The following PHACTR4 variants were observed in gnomAD, a reference collection of about 807,000 sequenced individuals.
PHACTR4 encodes phosphatase and actin regulator 4.
Under a neutral mutation model 72.7 loss-of-function variants are expected in PHACTR4, and 51 were observed. The ratio of observed to expected loss-of-function variants is 0.70; its 90% CI spans 0.56 to 0.89. PHACTR4 has a LOEUF of 0.89. PHACTR4 is among the 40% of genes least tolerant of loss of function. The pLI, the probability that PHACTR4 is intolerant of heterozygous loss-of-function variation, is 0.00. For missense variants in PHACTR4, 731 were observed against 861.8 expected, an observed-to-expected ratio of 0.85 and a Z score of 1.90; for synonymous variants, 255 against 302.5, an observed-to-expected ratio of 0.84 and a Z score of 1.63.
intron 2 of PHACTR4, among the ~76,000 whole-genome samples, chr1:28,440,890 T>C (rs530219715): frequency 6.8e-4 from 104 of 152,346 alleles, no homozygotes; most frequent in Admixed American, 2.0e-3. Flanking sequence ...CTCACCATTT[T>C]ACTTGGAATG....
chr1:28,461,966 C>T (rs920947967), intron 4 of PHACTR4, among the ~76,000 whole-genome samples: 8 of 150,452 alleles, frequency 5.3e-5, no homozygotes, highest in African/African-American at 1.2e-4. Flanking sequence ...TAGGTAGTTA[C>T]GTACTACTTT....
At chr1:28,414,724 A>G (rs1181235124) in intron 2 of PHACTR4, among the ~76,000 whole-genome samples, 1 of 151,654 alleles carries the variant, frequency 6.6e-6, no homozygotes, top group East Asian at 1.9e-4. Context: ...GCCTTTTGCG[A>G]CCCCTTTCCA....
At chr1:28,477,329 C>T (rs1044977638) in intron 8 of PHACTR4, among the ~76,000 whole-genome samples, 2 of 151,604 alleles carry the variant, frequency 1.3e-5, no homozygotes, top group African/African-American at 2.4e-5. Context: ...CGTGATCCGC[C>T]CACCTCCCAC....
chr1:28,477,074 A>G (rs927696734), intron 8 of PHACTR4, among the ~76,000 whole-genome samples: 1 of 145,046 alleles, frequency 6.9e-6, no homozygotes, highest in African/African-American at 2.5e-5. Flanking sequence ...CTGGCCATAA[A>G]AGATATATAT....
At chr1:28,473,371 C>G (rs780411074) in intron 6 of PHACTR4, among the ~76,000 whole-genome samples, 183 bp from the exon 7 acceptor site, 1 of 151,892 alleles carries the variant, frequency 6.6e-6, no homozygotes, top group African/African-American at 2.4e-5. Context: ...ATTTATTAAG[C>G]CTTCTATTTG....
chr1:28,426,118 G>A (rs943274572), intron 2 of PHACTR4, among the ~76,000 whole-genome samples: 5 of 152,152 alleles, frequency 3.3e-5, no homozygotes, highest in African/African-American at 1.2e-4. Context: ...CTACTCGGGA[G>A]GCTGAGGCGG....
chr1:28,441,052 A>C (rs1342676033), intron 2 of PHACTR4, among the ~76,000 whole-genome samples: 1 of 152,190 alleles, frequency 6.6e-6, no homozygotes, highest in Non-Finnish European at 1.5e-5. Context: ...GAATTGATTT[A>C]TTATTACTTT....
chr1:28,468,459 G>A, intron 6 of PHACTR4, among the ~76,000 whole-genome samples: 1 of 152,118 alleles, frequency 6.6e-6, no homozygotes, highest in East Asian at 1.9e-4. Flanking sequence ...GGGCATGGTG[G>A]TAGGCACCTG....
At chr1:28,459,354 C>A in intron 3 of PHACTR4, 96 bp downstream of exon 3, 16 of 837,870 alleles carry the variant, frequency 1.9e-5, no homozygotes, top group Non-Finnish European at 2.5e-5. Flanking sequence ...CTGTAGTCCT[C>A]TATTTGAAGA....
rs541188664 is a variant in PHACTR4 at position 28,489,157 on chromosome 1, A to G, written c.1761-13A>G. On this transcript the variant is annotated splice_polypyrimidine_tract_variant and intron_variant, in intron 9 of 13. Coordinates refer to ENST00000373839, the MANE Select transcript of PHACTR4 (RefSeq NM_001048183.3). ...TTTAACATAAACATTACCTTTATTT[A>G]TCTCATTTTTAGGCGACTGAGTCAA... is the stretch of plus-strand genomic sequence containing the variant. The G allele has an allele frequency of 2.2e-4, 354 of 1,609,066 alleles. No homozygotes were observed. Among genetic ancestry groups the G allele is most frequent in the Admixed American group, 3.4e-4 (20 of 59,596 alleles).
rs191722634 is a variant in PHACTR4 at position 28,398,170 on chromosome 1, T to C, written c.-38-9240T>C. 1.8e-3 allele frequency among the ~76,000 whole-genome samples: 280 copies of C among 152,298 alleles called. 1 individual carries two copies. The highest frequency in any genetic ancestry group is 3.4e-3 in the Non-Finnish European group (232 of 68,028). ...AGGATAATATATTTTAGAATTCTCA[T>C]ATACCTATGTTAACACCACCAAGGC... On this transcript the variant is annotated intron_variant, in intron 1 of 13. Transcript: ENST00000373839.
intron 13 of PHACTR4, chr1:28,494,117 T>A (rs931860513): frequency 2.0e-5 from 3 of 152,018 alleles, no homozygotes; most frequent in Admixed American, 6.6e-5. Flanking sequence ...ATCTCGACAC[T>A]TTGAGTGGCT....
chr1:28,444,962 A>G (rs1657343744), intron 2 of PHACTR4, among the ~76,000 whole-genome samples: 1 of 140,958 alleles, frequency 7.1e-6, no homozygotes, highest in African/African-American at 2.7e-5. Flanking sequence ...TTATTTATTT[A>G]TTTTATTTTT....
chr1:28,375,096 C>G (rs187565996), intron 1 of PHACTR4, among the ~76,000 whole-genome samples: 1 of 151,968 alleles, frequency 6.6e-6, no homozygotes, highest in Non-Finnish European at 1.5e-5. Flanking sequence ...GCCAGGAGTT[C>G]GAGACGAGCC....
At chr1:28,485,539 A>AGGCAGAGGT (rs1660582904) in intron 9 of PHACTR4, among the ~76,000 whole-genome samples, 1 of 151,678 alleles carries the variant, frequency 6.6e-6, no homozygotes, top group Admixed American at 6.6e-5. Flanking sequence ...GTGAGCCGGG[A>AGGCAGAGGT]TCCCGTGCCA....
Position 28,473,763 on chromosome 1 carries a change from C to T in PHACTR4, c.1033C>T (p.Pro345Ser). ...LPMISPRSPS[P>S]PLPTHIPPEP... ...AATGATCTCACCTCGCTCTCCGTCC[C>T]CCCCACTGCCTACTCATATACCTCC... Residue 345 changes from proline (P) to serine (S), a missense_variant, in exon 7 of 14, where the codon CCC becomes TCC. Transcript: ENST00000373839. 6.2e-7 allele frequency: 1 copy of T among 1,614,036 alleles called. No individual in the cohort carries two copies. Among genetic ancestry groups the T allele is most frequent in the Non-Finnish European group, 8.5e-7 (1 of 1,180,004 alleles).
At position 28,489,935 on chromosome 1, in the gene PHACTR4, G is replaced by C. The variant is rs754287976; in HGVS notation, c.1816+710G>C. ...TAACTTAGTACATTTTCTAGTGTGG[G>C]AGCCCTTATAACGTATCACACAAAA... On this transcript the variant is annotated intron_variant, in intron 10 of 13. Transcript: ENST00000373839. 1.2e-5 allele frequency: 6 copies of C among 517,212 alleles called. No individual in the cohort carries two copies. In the Admixed American group the frequency reaches 1.2e-4, roughly 10 times the overall value. 32.0% of individuals were successfully genotyped at this position (517,212 alleles called of 1,614,324 possible).
chr1:28,416,935 AT>A (rs1228967141), intron 2 of PHACTR4, among the ~76,000 whole-genome samples: 1 of 152,060 alleles, frequency 6.6e-6, no homozygotes, highest in African/African-American at 2.4e-5. Flanking sequence ...TTTTGAGTTA[AT>A]TTTTAGATAT....
At chr1:28,370,624 C>A (rs67856516) in intron 1 of PHACTR4, among the ~76,000 whole-genome samples, 51,614 of 141,278 alleles carry the variant, frequency 0.37, 11,337 homozygotes, top group African/African-American at 0.58. Flanking sequence ...AAAAAAAAAA[C>A]CCTCCAGTGC....
Sources: gnomAD v4.1 joint callset for allele counts (sites outside exome capture counted in the v4.1 genomes callset) on GRCh38, gnomAD v4.1.1 for gene constraint, MANE v1.5 for transcripts, NCBI Gene and HGNC (gene_info 2026-07-23, HGNC 2026-07-21) for gene names.